Variants in ABCC4 observed in about 807,000 individuals in gnomAD.
ABCC4 encodes the protein ATP binding cassette subfamily C member 4 (PEL blood group), also known as ATP-binding cassette sub-family C member 4.
ABCC4 carries 102 observed loss-of-function variants against 168.5 expected under a neutral mutation model. The ratio of observed to expected loss-of-function variants is 0.61; its 90% CI spans 0.52 to 0.71. The LOEUF is 0.71. Among genes scored for constraint, ABCC4 ranks in the 30% least tolerant of loss-of-function variants. The pLI is 0.00. For missense variants in ABCC4, 1,402 were observed against 1,605.8 expected (o/e 0.87, Z 2.17); for synonymous variants, 617 against 590.7 (o/e 1.04, Z -0.65).
At position 95,282,775 on chromosome 13, in the gene ABCC4, T is replaced by C. The variant is rs544553749; in HGVS notation, c.74+18466A>G. 5.3e-3 allele frequency among the ~76,000 whole-genome samples: 802 copies of C among 151,936 alleles called. 5 individuals carry two copies. Among genetic ancestry groups the C allele is most frequent in the Non-Finnish European group, 8.5e-3 (579 of 67,940 alleles). ...CTCTCAAACTCCTGACCTTGTGATC[T>C]GCCCACCTTGGCCTCCCAAAGTGCT... On this transcript the variant is annotated intron_variant, in intron 1 of 30. Transcript: ENST00000645237.
At chr13:95,100,888 G>A (rs2034778624) in intron 20 of ABCC4, among the ~76,000 whole-genome samples, 2 of 152,154 alleles carry the variant, frequency 1.3e-5, no homozygotes, top group African/African-American at 2.4e-5. Context: ...ACAAACCTCA[G>A]AAATCTCAAA....
At chr13:95,194,289 G>A (rs1351010055) in intron 9 of ABCC4, among the ~76,000 whole-genome samples, 3 of 152,162 alleles carry the variant, frequency 2.0e-5, no homozygotes, top group Admixed American at 6.5e-5. Context: ...TTGCTACGCC[G>A]GCCTGCAGCC....
chr13:95,091,547 T>C (rs1729773), intron 20 of ABCC4, among the ~76,000 whole-genome samples: 1 of 152,152 alleles, frequency 6.6e-6, no homozygotes, highest in Non-Finnish European at 1.5e-5. Context: ...AGTGAAACTA[T>C]GCTCCACATA....
intron 4 of ABCC4, among the ~76,000 whole-genome samples, chr13:95,225,153 T>TCTCACACACA (rs1360466403): frequency 1.4e-3 from 51 of 35,260 alleles, no homozygotes; most frequent in African/African-American, 2.7e-3. Flanking sequence ...TCTCTCTCTC[T>TCTCACACACA]CACACACACA....
chr13:95,076,046 T>C lies in ABCC4; in HGVS notation c.2687-495A>G, dbSNP rs115695357. Among the ~76,000 whole-genome samples the C allele has an allele frequency of 4.0e-3, 614 of 152,310 alleles. 7 individuals are homozygous for C. The highest frequency in any genetic ancestry group is 0.014 in the African/African-American group (594 of 41,572). ...GCTATAGCCATTGCACCCTGGTAAC[T>C]GGATGGTACCTGGCACAGGACATGT... On this transcript the variant is annotated intron_variant, in intron 21 of 30. Coordinates refer to ENST00000645237, the MANE Select transcript of ABCC4 (RefSeq NM_005845.5).
intron 19 of ABCC4, among the ~76,000 whole-genome samples, chr13:95,127,721 C>T (rs899850817): frequency 6.6e-6 from 1 of 152,104 alleles, no homozygotes; most frequent in African/African-American, 2.4e-5. Flanking sequence ...CCTTGTGGTG[C>T]CATTCTCTAA....
intron 1 of ABCC4, among the ~76,000 whole-genome samples, chr13:95,274,490 G>A (rs1243881417): frequency 6.6e-6 from 1 of 152,116 alleles, no homozygotes; most frequent in Non-Finnish European, 1.5e-5. Flanking sequence ...TAGAAACCAT[G>A]CCTGTAGCTT....
chr13:95,201,525 C>T (rs1373769143), intron 8 of ABCC4, among the ~76,000 whole-genome samples: 1 of 152,068 alleles, frequency 6.6e-6, no homozygotes, highest in Non-Finnish European at 1.5e-5. Context: ...GCAATCTATA[C>T]GTAATATAAA....
chr13:95,023,269 G>A (rs2031201033), intron 30 of ABCC4, among the ~76,000 whole-genome samples: 1 of 152,020 alleles, frequency 6.6e-6, no homozygotes, highest in Non-Finnish European at 1.5e-5. Flanking sequence ...AACCCAAATG[G>A]TCTTAGCTTC....
intron 14 of ABCC4, among the ~76,000 whole-genome samples, chr13:95,166,895 T>G (rs375888995): frequency 2.0e-5 from 3 of 151,966 alleles, no homozygotes; most frequent in Non-Finnish European, 4.4e-5. Context: ...TACTCTAAAA[T>G]TGCCCCACAG....
chr13:95,257,646 G>A (rs986105226), intron 1 of ABCC4, among the ~76,000 whole-genome samples: 1 of 145,266 alleles, frequency 6.9e-6, no homozygotes, highest in Non-Finnish European at 1.5e-5. Context: ...CTGGGCAACA[G>A]AGTGAGACTT....
In ABCC4 at chr13:95,183,700, G is replaced by A. The variant is rs568499436; in HGVS notation, c.1545+3001C>T. 2.0e-5 allele frequency among the ~76,000 whole-genome samples: 3 copies of A among 152,256 alleles called. No individual in the cohort carries two copies. In the South Asian group the frequency reaches 6.2e-4, roughly 32 times the overall value. ...AGCAAAAGCAGGTGGATCACTTGAG[G>A]TCAAGAGTTCAAGACCAGCTGGTCA... is the stretch of plus-strand genomic sequence containing the variant. On this transcript the variant is annotated intron_variant, in intron 11 of 30. Transcript: ENST00000645237.
chr13:95,131,624 C>T (rs1353778435), intron 19 of ABCC4, among the ~76,000 whole-genome samples: 1 of 151,480 alleles, frequency 6.6e-6, no homozygotes, highest in African/African-American at 2.4e-5. Flanking sequence ...GCAAGACTGT[C>T]TCAAAAAAAA....
chr13:95,031,198 A>C (rs1040067219), intron 30 of ABCC4, among the ~76,000 whole-genome samples: 11 of 152,264 alleles, frequency 7.2e-5, no homozygotes, highest in Admixed American at 7.2e-4. Context: ...CAGAAATGTC[A>C]AGAAAATATT....
chr13:95,052,160 T>C (rs968944537), intron 27 of ABCC4, among the ~76,000 whole-genome samples: 1 of 152,204 alleles, frequency 6.6e-6, no homozygotes, highest in South Asian at 2.1e-4. Context: ...TCTGTATTTT[T>C]AGTAGAAATG....
Position 95,187,518 on chromosome 13 carries a change from A to C in ABCC4, c.1354-626T>G, listed in dbSNP as rs561423393. Reference sequence around the variant, plus strand: ...CTTGGGAGGCTGAGGCATGAGAATCACTTGAACCTAGGGAAATGGAGGTTG... The same window carrying C: ...CTTGGGAGGCTGAGGCATGAGAATCCCTTGAACCTAGGGAAATGGAGGTTG... On this transcript the variant is annotated intron_variant, in intron 10 of 30. Transcript: ENST00000645237. Among the ~76,000 whole-genome samples, 20 of 152,292 alleles carry C rather than the reference A, an allele frequency of 1.3e-4. 1 individual carries two copies. The highest frequency in any genetic ancestry group is 4.6e-4 in the African/African-American group (19 of 41,566).
At chr13:95,253,542 C>G (rs930982799) in intron 1 of ABCC4, among the ~76,000 whole-genome samples, 1 of 151,810 alleles carries the variant, frequency 6.6e-6, no homozygotes, top group African/African-American at 2.4e-5. Flanking sequence ...GTCAGGAGTT[C>G]GAGACCAGCC....
At chr13:95,279,384 A>G (rs1054989923) in intron 1 of ABCC4, among the ~76,000 whole-genome samples, 1 of 152,168 alleles carries the variant, frequency 6.6e-6, no homozygotes, top group Non-Finnish European at 1.5e-5. Flanking sequence ...GTGCACCTCA[A>G]TTTCTTCAGC....
intron 1 of ABCC4, among the ~76,000 whole-genome samples, chr13:95,252,814 G>A (rs2040300249): frequency 6.6e-6 from 1 of 152,202 alleles, no homozygotes; most frequent in Admixed American, 6.5e-5. Context: ...CGGACTGGGG[G>A]GACTACTGTA....
Sources: allele counts gnomAD v4.1 joint callset (sites outside exome capture counted in the v4.1 genomes callset), GRCh38; gene constraint gnomAD v4.1.1; transcripts MANE v1.5; gene names NCBI Gene and HGNC (gene_info 2026-07-23, HGNC 2026-07-21).